PGAP1: variants seen among roughly 807,000 people sequenced by gnomAD.
PGAP1 encodes the protein GPI inositol-deacylase.
Under a neutral mutation model 127.0 loss-of-function variants are expected in PGAP1, and 76 were observed. That is an observed-to-expected ratio of 0.60 (90% CI 0.50 to 0.72). PGAP1 has a LOEUF of 0.72. Among genes scored for constraint, PGAP1 ranks in the 30% least tolerant of loss-of-function variants. PGAP1 has a pLI of 0.00. For synonymous variants in PGAP1, 362 were observed against 366.5 expected (o/e 0.99, Z 0.14); for missense variants, 982 against 1,071.3 (o/e 0.92, Z 1.16).
At chr2:196,846,572 G>C in intron 22 of PGAP1, among the ~76,000 whole-genome samples, 1 of 152,070 alleles carries the variant, frequency 6.6e-6, no homozygotes, top group Non-Finnish European at 1.5e-5. Flanking sequence ...TGTGTCATTG[G>C]GCCCATAATA....
At chr2:196,871,209 CTGAG>C (rs1334839260) in intron 18 of PGAP1, among the ~76,000 whole-genome samples, 1 of 152,046 alleles carries the variant, frequency 6.6e-6, no homozygotes, top group Non-Finnish European at 1.5e-5. Flanking sequence ...TATTTGACAG[CTGAG>C]TGAATGCTAT....
chr2:196,917,046 C>T (rs557640347), intron 2 of PGAP1, among the ~76,000 whole-genome samples: 5 of 152,198 alleles, frequency 3.3e-5, no homozygotes, highest in African/African-American at 1.2e-4. Context: ...CATCAGTAAG[C>T]GCTTTCATAA....
At chr2:196,863,767 C>T (rs796435273) in intron 20 of PGAP1, among the ~76,000 whole-genome samples, 15 of 152,202 alleles carry the variant, frequency 9.9e-5, no homozygotes, top group East Asian at 3.9e-4. Context: ...TTAGCAAAGA[C>T]GGGGTTTCAC....
At chr2:196,905,395 G>C (rs145954991) in intron 4 of PGAP1, among the ~76,000 whole-genome samples, 1 of 152,028 alleles carries the variant, frequency 6.6e-6, no homozygotes. Context: ...CTTATTAAAA[G>C]ACTTCTACAA....
rs1433056497 is a variant in PGAP1 at position 196,872,511 on chromosome 2, AT to A, written c.1657del (p.Ile553LeufsTer25). On this transcript the variant is annotated frameshift_variant, in exon 18 of 27. Transcript: ENST00000354764. LOFTEE classifies it high-confidence loss of function. Reference sequence around the variant, plus strand: ...ATGGGTATTGTTTTCTGGTTGAGCAATATGGAGTTTCAGAGAAATTTCTGTG... The same window carrying A: ...ATGGGTATTGTTTTCTGGTTGAGCAAATGGAGTTTCAGAGAAATTTCTGTG... ...SSTEISLKLHIAQPENNTHVA... is the reference protein window; with the variant it reads ...SSTEISLKLHXAQPENNTHVA... 6.2e-7 allele frequency: 1 copy of A among 1,613,198 alleles called. No homozygotes were observed. The highest frequency in any genetic ancestry group is 8.5e-7 in the Non-Finnish European group (1 of 1,179,302).
At chr2:196,917,530 G>A (rs560126316) in intron 2 of PGAP1, among the ~76,000 whole-genome samples, 1 of 152,140 alleles carries the variant, frequency 6.6e-6, no homozygotes, top group East Asian at 1.9e-4. Context: ...CAAATCCTAG[G>A]CCTAGCAACC....
chr2:196,880,140 C>A lies in PGAP1; in HGVS notation c.1286G>T (p.Arg429Ile). 1.3e-6 allele frequency: 2 copies of A among 1,544,342 alleles called. No individual in the cohort carries two copies. The highest frequency in any genetic ancestry group is 1.4e-5 in the African/African-American group (1 of 70,344). ...AGACAAAGATGGATAGTCTTGAAGT[C>A]TTAATGTCAGATACTAAAATAAAAA... ...LLPTIKYLTL[R>I]LQDYPSLSHL... Residue 429 changes from arginine (R) to isoleucine (I), a missense_variant, in exon 13 of 27, where the codon AGA becomes ATA. By Grantham distance (97) the Arg-to-Ile change is moderately conservative (BLOSUM62 -3). Coordinates refer to ENST00000354764, the MANE Select transcript of PGAP1 (RefSeq NM_024989.4).
rs1049914334 is a variant in PGAP1, at chr2:196,872,459, T to G, written c.1710A>C (p.Ser570=). 6.2e-7 allele frequency: 1 copy of G among 1,607,082 alleles called. No homozygotes were observed. The highest frequency in any genetic ancestry group is 1.3e-5 in the African/African-American group (1 of 74,818). The part of the protein sequence containing the change: ...THVALFKMYT[S]SDCRYEVTVK... Reference sequence around the variant, plus strand: ...AACTTACCTCGTACCGACAGTCTGATGACGTGTACATTTTAAATAATGCCA... The same window carrying G: ...AACTTACCTCGTACCGACAGTCTGAGGACGTGTACATTTTAAATAATGCCA... Residue 570 remains serine, a synonymous_variant, in exon 18 of 27, where the codon TCA becomes TCC. Transcript: ENST00000354764.
intron 19 of PGAP1, among the ~76,000 whole-genome samples, chr2:196,869,334 G>A (rs1020814437): frequency 4.6e-4 from 70 of 151,788 alleles, no homozygotes; most frequent in Non-Finnish European, 1.8e-4. Flanking sequence ...GATTTAACTG[G>A]TCCCTTAACA....
rs562710415 is a variant in PGAP1 at position 196,836,900 on chromosome 2, A to G, written c.*4334T>C. The G allele has an allele frequency of 5.3e-5, 8 of 152,206 alleles. No homozygotes were observed. In the South Asian group the frequency reaches 1.7e-3, roughly 32 times the overall value. 9.4% of individuals were successfully genotyped at this position (152,206 alleles called of 1,614,324 possible). A position where few individuals can be genotyped will look rare whatever the true frequency, so the allele number is the denominator to read the frequency against. ...TTTTACAAAGTATCTTGTTTCCTGT[A>G]ATATACAAGTTCACAAATCCTACAC... On this transcript the variant is annotated 3_prime_UTR_variant, in exon 27 of 27. Transcript: ENST00000354764.
chr2:196,900,063 AAAGT>A (rs919145298), intron 5 of PGAP1, among the ~76,000 whole-genome samples: 19 of 152,150 alleles, frequency 1.2e-4, no homozygotes, highest in African/African-American at 4.6e-4. Flanking sequence ...CAAAACACAC[AAAGT>A]GAGTTTTTTC....
rs145921164 is a variant in PGAP1 at position 196,913,266 on chromosome 2, A to G, written c.478-213T>C. ...TCTGCCAAACATTTTTAACAGGTAT[A>G]TCTTGGTTTTCTGGGCCAAGAGGAA... On this transcript the variant is annotated intron_variant, in intron 3 of 26. Transcript: ENST00000354764. Among the ~76,000 whole-genome samples, 397 of 152,320 alleles carry G rather than the reference A, an allele frequency of 2.6e-3. 3 individuals are homozygous for G. Among genetic ancestry groups the G allele is most frequent in the Non-Finnish European group, 4.3e-3 (295 of 68,022 alleles).
Position 196,870,950 on chromosome 2 carries a change from T to G in PGAP1, c.1758A>C (p.Ile586=). ...CAGGAATCTCTCTTACCTGTCCAAG[T>G]ATTTGTGAAAAGGAAGTCTTAACTG... is the stretch of plus-strand genomic sequence containing the variant. ...EVTVKTSFSQ[I]LGQVVRFHGG... The change falls in exon 19 of 27, where the codon ATA becomes ATC. Residue 586 remains isoleucine, a synonymous_variant. Coordinates refer to ENST00000354764, the MANE Select transcript of PGAP1 (RefSeq NM_024989.4). 1 of 1,608,038 alleles carries G rather than the reference T, an allele frequency of 6.2e-7. No homozygotes were observed. Among genetic ancestry groups the G allele is most frequent in the East Asian group, 2.2e-5 (1 of 44,732 alleles).
At chr2:196,865,519 C>T (rs949872568) in intron 19 of PGAP1, among the ~76,000 whole-genome samples, 1 of 152,104 alleles carries the variant, frequency 6.6e-6, no homozygotes, top group Non-Finnish European at 1.5e-5. Context: ...AGTTACTTAG[C>T]TTCCCCTCTC....
intron 20 of PGAP1, among the ~76,000 whole-genome samples, chr2:196,859,705 T>C (rs1309921466): frequency 6.6e-6 from 1 of 152,178 alleles, no homozygotes; most frequent in African/African-American, 2.4e-5. Context: ...GCAAGGATAG[T>C]TCAATATATA....
Position 196,880,100 on chromosome 2 carries a change from A to G in PGAP1, c.1326T>C (p.Tyr442=). 3 of 1,603,440 alleles carry G rather than the reference A, an allele frequency of 1.9e-6. No homozygotes were observed. Among genetic ancestry groups the G allele is most frequent in the East Asian group, 2.3e-5 (1 of 44,350 alleles). ...DYPSLSHLVV[Y]VPSVRGSKFV... ...CCTTACTTCCACGAACAGATGGTAC[A>G]TAAACAACAAGATGAGACAAAGATG... is the stretch of plus-strand genomic sequence containing the variant. The change falls in exon 13 of 27, where the codon TAT becomes TAC. Residue 442 remains tyrosine (Y), a synonymous_variant. Transcript: ENST00000354764.
rs1703368715 is a variant in PGAP1, at chr2:196,926,575, A to T, written c.42T>A (p.Tyr14Ter). 6.2e-7 allele frequency: 1 copy of T among 1,614,078 alleles called. No individual in the cohort carries two copies. The highest frequency in any genetic ancestry group is 1.3e-5 in the African/African-American group (1 of 74,942). Reference protein sequence around the residue: ...HSVNLWNLAFYVFMVFLATLG... With the variant: ...HSVNLWNLAF ...GGGTTGCCAGAAAGACCATGAAGAC[A>T]TAAAACGCCAGGTTCCAGAGATTAA... is the stretch of plus-strand genomic sequence containing the variant. Residue 14 changes from tyrosine to a stop codon, truncating the protein, a stop_gained, in exon 1 of 27, where the codon TAT (tyrosine) becomes TAA (stop). Transcript: ENST00000354764. LOFTEE classifies it high-confidence loss of function.
At chr2:196,862,068 T>G (rs775593643) in intron 20 of PGAP1, among the ~76,000 whole-genome samples, 10 of 152,010 alleles carry the variant, frequency 6.6e-5, no homozygotes, top group Non-Finnish European at 1.2e-4. Context: ...ACAAGAGAGA[T>G]AACCTTAAAC....
At chr2:196,859,609 A>G (rs1482523483) in intron 20 of PGAP1, among the ~76,000 whole-genome samples, 1 of 152,190 alleles carries the variant, frequency 6.6e-6, no homozygotes, top group East Asian at 1.9e-4. Flanking sequence ...AAAGGCAAAA[A>G]TCCTCTACAA....
Sources: gnomAD v4.1 joint callset for allele counts (sites outside exome capture counted in the v4.1 genomes callset) on GRCh38, gnomAD v4.1.1 for gene constraint, MANE v1.5 for transcripts, NCBI Gene and HGNC (gene_info 2026-07-23, HGNC 2026-07-21) for gene names.